The following MAP3K2 variants were observed in gnomAD, a reference collection of about 807,000 sequenced individuals.
The protein encoded by MAP3K2 is MAP/ERK kinase kinase 2.
MAP3K2 carries 24 observed loss-of-function variants against 80.3 expected under a neutral mutation model. That is an observed-to-expected ratio of 0.30 (90% CI 0.22 to 0.42). The LOEUF (loss-of-function observed/expected upper bound fraction) is 0.42. MAP3K2 is among the 10% of genes least tolerant of loss of function. MAP3K2 has a pLI of 1.00. For missense variants in MAP3K2, 608 were observed against 750.1 expected, an observed-to-expected ratio of 0.81 and a Z score of 2.21; for synonymous variants, 244 against 253.7, an observed-to-expected ratio of 0.96 and a Z score of 0.36.
Position 127,310,719 on chromosome 2 carries a change from CTT to C in MAP3K2, c.1457-1959_1457-1958del, listed in dbSNP as rs1558972686. 6.6e-6 allele frequency among the ~76,000 whole-genome samples: 1 copy of C among 152,048 alleles called. No homozygotes were observed. On this transcript the variant is annotated intron_variant, in intron 15 of 16. Transcript: ENST00000682094. The surrounding 1 kb of genome is among the most constrained non-coding windows in gnomAD (Gnocchi z 4.8). The stretch of plus-strand genomic sequence containing the variant: ...TTGTTTTTTATTCTCTATTTTCACT[CTT>C]ATCATTTTAAAAACTCTATTTTTTC...
At position 127,306,238 on chromosome 2, in the gene MAP3K2, G is replaced by C. The variant is rs1051907496; in HGVS notation, c.*1341C>G. 2 of 152,002 alleles carry C rather than the reference G, an allele frequency of 1.3e-5. No individual in the cohort carries two copies. Among genetic ancestry groups the C allele is most frequent in the Admixed American group, 1.3e-4 (2 of 15,244 alleles). 9.4% of individuals were successfully genotyped at this position (152,002 alleles called of 1,614,324 possible). ...AATAGCTGTTTTCAGTTTATAACTG[G>C]GACTGATCTTTACATCAGGGTTTCT... On this transcript the variant is annotated 3_prime_UTR_variant, in exon 17 of 17. Transcript: ENST00000682094. This position sits in a 1 kb window ranked among gnomAD's most constrained non-coding sequence, Gnocchi z 4.7.
At chr2:127,353,696 G>C (rs1472659203) in intron 1 of MAP3K2, among the ~76,000 whole-genome samples, 4 of 152,030 alleles carry the variant, frequency 2.6e-5, no homozygotes, top group African/African-American at 9.7e-5. Context: ...CCCCTACTGG[G>C]AAGTGAGGAG....
intron 12 of MAP3K2, among the ~76,000 whole-genome samples, chr2:127,320,789 G>C (rs1269514110): frequency 6.6e-6 from 1 of 152,144 alleles, no homozygotes; most frequent in Non-Finnish European, 1.5e-5. Flanking sequence ...TCTTCAGGAA[G>C]TATATAAGCC....
chr2:127,374,031 T>G (rs369926050), intron 1 of MAP3K2, among the ~76,000 whole-genome samples: 2 of 152,196 alleles, frequency 1.3e-5, no homozygotes, highest in African/African-American at 4.8e-5. Context: ...ACCTAATGCT[T>G]TAACATTGTT....
rs1685620250 is a variant in MAP3K2 at position 127,302,626 on chromosome 2, C to A, written c.*4953G>T. On this transcript the variant is annotated 3_prime_UTR_variant, in exon 17 of 17. Coordinates refer to ENST00000682094, the MANE Select transcript of MAP3K2 (RefSeq NM_001371910.2). ...ATCTCATTGCCTTAACATTTGTAAA[C>A]CATGTGAATGACTTCTTTAGGGCAA... 1 of 152,128 alleles carries A rather than the reference C, an allele frequency of 6.6e-6. No homozygotes were observed. Among genetic ancestry groups the A allele is most frequent in the Admixed American group, 6.5e-5 (1 of 15,272 alleles). The allele number at this position is 152,128 out of a possible 1,614,324, so 9.4% of individuals were successfully genotyped here. A position where few individuals can be genotyped will look rare whatever the true frequency, so the allele number is the denominator to read the frequency against.
At position 127,387,464 on chromosome 2, in the gene MAP3K2, A is replaced by T. The variant is rs1466717315; in HGVS notation, c.-78T>A. 2 of 985,016 alleles carry T rather than the reference A, an allele frequency of 2.0e-6. No individual in the cohort carries two copies. Among genetic ancestry groups the T allele is most frequent in the Non-Finnish European group, 2.4e-6 (2 of 830,300 alleles). 61.0% of individuals were successfully genotyped at this position (985,016 alleles called of 1,614,324 possible). ...CACACGCACGTACCGGCTGCTCCGC[A>T]GGGACGTAGAGAGCCGCAGGCCCAA... On this transcript the variant is annotated 5_prime_UTR_variant, in exon 1 of 17. Transcript: ENST00000682094.
intron 1 of MAP3K2, among the ~76,000 whole-genome samples, chr2:127,366,995 C>T (rs965265620): frequency 6.6e-6 from 1 of 151,694 alleles, no homozygotes; most frequent in Non-Finnish European, 1.5e-5. Flanking sequence ...CTCAGCCTCC[C>T]GAGTAGCTGG....
In MAP3K2 at chr2:127,317,663, T is replaced by C. The variant is rs767879956; in HGVS notation, c.1292A>G (p.Lys431Arg). ...YYGCLRDPQE[K>R]TLSIFMEYMP... ...ATATTCCATAAATATGGAAAGTGTT[T>C]TTTCCTGGGGATCCCTCAAACAGCC... Residue 431 changes from lysine to arginine, a missense_variant, in exon 14 of 17, where the codon AAA becomes AGA. Lys to Arg is a conservative substitution (Grantham distance 26). Around this residue, in one of 4 missense-constraint regions of MAP3K2, gnomAD observed 467 missense variants for 521.9 expected, o/e 0.89. Transcript: ENST00000682094. 2 of 1,585,124 alleles carry C rather than the reference T, an allele frequency of 1.3e-6. No homozygotes were observed. Among genetic ancestry groups the C allele is most frequent in the Admixed American group, 1.8e-5 (1 of 55,806 alleles).
At chr2:127,379,667 G>A (rs1687214411) in intron 1 of MAP3K2, among the ~76,000 whole-genome samples, 1 of 152,056 alleles carries the variant, frequency 6.6e-6, no homozygotes, top group Non-Finnish European at 1.5e-5. Context: ...GAATTATATA[G>A]TATTATATAA....
At chr2:127,367,914 A>G (rs1686999144) in intron 1 of MAP3K2, among the ~76,000 whole-genome samples, 1 of 152,260 alleles carries the variant, frequency 6.6e-6, no homozygotes, top group African/African-American at 2.4e-5. Flanking sequence ...CAAATCTAAA[A>G]TAAAATATGA....
At chr2:127,349,442 A>G (rs1034602890) in intron 1 of MAP3K2, among the ~76,000 whole-genome samples, 26 of 152,250 alleles carry the variant, frequency 1.7e-4, no homozygotes, top group African/African-American at 6.3e-4. Context: ...TTGGGATTAC[A>G]GGCCATCCAG....
At chr2:127,375,033 T>C (rs111482043) in intron 1 of MAP3K2, among the ~76,000 whole-genome samples, 39,173 of 152,170 alleles carry the variant, frequency 0.26, 5,236 homozygotes, top group Middle Eastern at 0.31. Context: ...AAAAGCACTT[T>C]GCTAAAACCT....
intron 1 of MAP3K2, among the ~76,000 whole-genome samples, chr2:127,345,048 T>C (rs1686573072): frequency 6.6e-6 from 1 of 152,172 alleles, no homozygotes; most frequent in Admixed American, 6.5e-5. Flanking sequence ...AAAAAAGATT[T>C]TGTACAGATT....
intron 1 of MAP3K2, among the ~76,000 whole-genome samples, chr2:127,366,866 GTT>G (rs367670762): frequency 0.035 from 2,991 of 84,738 alleles, 10 homozygotes; most frequent in Middle Eastern, 0.13. Context: ...ACAGTCAAGG[GTT>G]TTTTTTTTTT....
chr2:127,385,552 T>A (rs1318662752), intron 1 of MAP3K2, among the ~76,000 whole-genome samples: 1 of 152,218 alleles, frequency 6.6e-6, no homozygotes, highest in Non-Finnish European at 1.5e-5. Flanking sequence ...ACAATCTCTC[T>A]AAGGTATGCC....
chr2:127,347,519 A>G (rs1686617394), intron 1 of MAP3K2, among the ~76,000 whole-genome samples: 1 of 147,464 alleles, frequency 6.8e-6, no homozygotes, highest in African/African-American at 2.4e-5. Context: ...ACTTAGGAAC[A>G]TATTTAACAA....
rs1042844052 is a variant in MAP3K2, at chr2:127,310,479, T to C, written c.1457-1717A>G. 6.6e-6 allele frequency among the ~76,000 whole-genome samples: 1 copy of C among 152,142 alleles called. No individual in the cohort carries two copies. The highest frequency in any genetic ancestry group is 1.9e-4 in the East Asian group (1 of 5,176). ...GCCTAGGCAACGTGGTGAGACACCA[T>C]CTCTACAAAAAAATACAAAAAAATT... is the stretch of plus-strand genomic sequence containing the variant. On this transcript the variant is annotated intron_variant, in intron 15 of 16. Transcript: ENST00000682094. The surrounding 1 kb of genome is among the most constrained non-coding windows in gnomAD (Gnocchi z 4.8).
At chr2:127,323,618 A>G (rs1004193047) in intron 11 of MAP3K2, among the ~76,000 whole-genome samples, 2 of 152,148 alleles carry the variant, frequency 1.3e-5, no homozygotes, top group Admixed American at 6.5e-5. Context: ...ACTTGAGCCC[A>G]GGAATTTAAA....
At chr2:127,369,404 G>A (rs190892621) in intron 1 of MAP3K2, among the ~76,000 whole-genome samples, 2,314 of 144,652 alleles carry the variant, frequency 0.016, 75 homozygotes, top group African/African-American at 0.055. Flanking sequence ...AGGCCGAGGC[G>A]GGCGGATCAC....
Sources: allele counts gnomAD v4.1 joint callset (sites outside exome capture counted in the v4.1 genomes callset), GRCh38; gene constraint gnomAD v4.1.1; regional missense constraint gnomAD v4.1.1; non-coding constraint Gnocchi (gnomAD v3.1); transcripts MANE v1.5; gene names NCBI Gene and HGNC (gene_info 2026-07-23, HGNC 2026-07-21).